The following ANXA4 variants were observed in gnomAD, a reference collection of about 807,000 sequenced individuals.
The protein encoded by ANXA4 is annexin A4.
Under a neutral mutation model 49.8 loss-of-function variants are expected in ANXA4, and 39 were observed. That is an observed-to-expected ratio of 0.78 (90% CI 0.61 to 1.02). The LOEUF is 1.02. Among genes scored for constraint, ANXA4 ranks in the 50% least tolerant of loss-of-function variants. The pLI is 0.00. For synonymous variants in ANXA4, 134 were observed against 152.5 expected (o/e 0.88, Z 0.89); for missense variants, 360 against 410.1 (o/e 0.88, Z 1.05).
intron 1 of ANXA4, among the ~76,000 whole-genome samples, chr2:69,768,511 T>A (rs1671584087): frequency 6.6e-6 from 1 of 152,176 alleles, no homozygotes; most frequent in Admixed American, 6.6e-5. Context: ...CAGGTTACTC[T>A]TAAACCTACA....
At chr2:69,787,566 G>A (rs753702030) in intron 2 of ANXA4, among the ~76,000 whole-genome samples, 1 of 152,184 alleles carries the variant, frequency 6.6e-6, no homozygotes, top group Admixed American at 6.5e-5. Context: ...GGGGAGAACA[G>A]GGTTCCACGT....
chr2:69,807,858 G>T, intron 5 of ANXA4, 48 bp from the exon 6 acceptor site: 3 of 1,532,772 alleles, frequency 2.0e-6, no homozygotes, highest in Non-Finnish European at 9.0e-7. Context: ...CTGGGCCTCA[G>T]CTTTGTAAAC....
At chr2:69,689,329 C>T (rs1677888463) in intron 2 of ANXA4, among the ~76,000 whole-genome samples, 1 of 152,070 alleles carries the variant, frequency 6.6e-6, no homozygotes, top group South Asian at 2.1e-4. Flanking sequence ...CTCAAGTGAT[C>T]CTCCTGCCTT....
At chr2:69,757,266 A>ATATATT (rs1424932911) in intron 1 of ANXA4, among the ~76,000 whole-genome samples, 4 of 27,644 alleles carry the variant, frequency 1.4e-4, no homozygotes, top group Non-Finnish European at 2.0e-4. Context: ...ATATATATAT[A>ATATATT]TTTTTTTTTT....
chr2:69,820,928 C>G, intron 12 of ANXA4, 107 bp downstream of exon 12: 1 of 1,220,840 alleles, frequency 8.2e-7, no homozygotes, highest in Middle Eastern at 2.3e-4. Flanking sequence ...TATCATTTCC[C>G]TTAAAGATTA....
At chr2:69,800,833 C>T (rs1385326519) in intron 3 of ANXA4, among the ~76,000 whole-genome samples, 1 of 152,118 alleles carries the variant, frequency 6.6e-6, no homozygotes, top group Non-Finnish European at 1.5e-5. Flanking sequence ...CCACAGATAT[C>T]AAGGACGTAG....
intron 2 of ANXA4, among the ~76,000 whole-genome samples, chr2:69,672,089 A>G (rs1025464804): frequency 1.3e-5 from 2 of 152,230 alleles, no homozygotes; most frequent in Admixed American, 6.6e-5. Context: ...CAAACAAACA[A>G]ATATAATTGG....
rs534245577 is a variant in ANXA4 at position 69,821,193 on chromosome 2, A to G, written c.906+372A>G. 1.6e-3 allele frequency among the ~76,000 whole-genome samples: 249 copies of G among 152,316 alleles called. 1 individual carries two copies. The highest frequency in any genetic ancestry group is 6.8e-3 in the Middle Eastern group (2 of 294). ...GGGAATATGGGAAAGCATTTTAGCTATCCTGAATTACTGTTCTTTACCAGG... is the reference window on the plus strand; with the variant it reads ...GGGAATATGGGAAAGCATTTTAGCTGTCCTGAATTACTGTTCTTTACCAGG... On this transcript the variant is annotated intron_variant, in intron 12 of 12. Transcript: ENST00000394295.
chr2:69,648,291 CA>C (rs1357699730), intron 1 of ANXA4, among the ~76,000 whole-genome samples: 1 of 152,200 alleles, frequency 6.6e-6, no homozygotes, highest in Admixed American at 6.5e-5. Flanking sequence ...AGACTGACCT[CA>C]AAACCCACAT....
intron 2 of ANXA4, among the ~76,000 whole-genome samples, chr2:69,702,254 C>A (rs1409066033): frequency 6.6e-6 from 1 of 152,060 alleles, no homozygotes. Flanking sequence ...CTCAAATGAT[C>A]CGCCTGCCTC....
chr2:69,668,608 A>G (rs1243830612), intron 2 of ANXA4, among the ~76,000 whole-genome samples: 1 of 152,198 alleles, frequency 6.6e-6, no homozygotes, highest in Non-Finnish European at 1.5e-5. Flanking sequence ...ATGTATGTGT[A>G]TAATAAAAAA....
At chr2:69,740,023 G>C (rs745321184), upstream of ANXA4, among the ~76,000 whole-genome samples, 1 of 152,120 alleles carries the variant, frequency 6.6e-6, no homozygotes, top group Non-Finnish European at 1.5e-5. Flanking sequence ...AGCTAAAAAA[G>C]TTAGCCTCTG....
chr2:69,722,277 C>T (rs529825915), intron 3 of ANXA4, among the ~76,000 whole-genome samples: 20 of 152,256 alleles, frequency 1.3e-4, no homozygotes, highest in African/African-American at 4.3e-4. Flanking sequence ...GGTATATACT[C>T]AAAAGAATTT....
chr2:69,667,531 A>T (rs1192071636), intron 2 of ANXA4, among the ~76,000 whole-genome samples: 3 of 152,240 alleles, frequency 2.0e-5, no homozygotes, highest in East Asian at 1.9e-4. Context: ...AGTCCGATGT[A>T]CAAAATACTC....
chr2:69,822,589 C>G (rs1013777407), intron 12 of ANXA4, among the ~76,000 whole-genome samples: 1 of 151,878 alleles, frequency 6.6e-6, no homozygotes, highest in Admixed American at 6.6e-5. Context: ...GGTACGCTGT[C>G]ATGAAAAAAA....
chr2:69,694,084 G>T (rs1678071905), intron 2 of ANXA4, among the ~76,000 whole-genome samples: 1 of 152,078 alleles, frequency 6.6e-6, no homozygotes, highest in African/African-American at 2.4e-5. Flanking sequence ...CAGTTGCTAT[G>T]GTCTGAATGT....
At chr2:69,655,351 T>A (rs1466677501) in intron 2 of ANXA4, among the ~76,000 whole-genome samples, 2 of 151,556 alleles carry the variant, frequency 1.3e-5, no homozygotes, top group Non-Finnish European at 1.5e-5. Flanking sequence ...GACAACCCAA[T>A]CAAAAAGTGA....
At chr2:69,692,987 G>C (rs71413197) in intron 2 of ANXA4, among the ~76,000 whole-genome samples, 3,482 of 152,238 alleles carry the variant, frequency 0.023, 44 homozygotes, top group Non-Finnish European at 0.037. Context: ...TGTGTGAGGT[G>C]GGGGAGGGAT....
intron 2 of ANXA4, among the ~76,000 whole-genome samples, chr2:69,684,973 G>A (rs1677735346): frequency 6.6e-6 from 1 of 152,162 alleles, no homozygotes; most frequent in Non-Finnish European, 1.5e-5. Context: ...GAAGAATGAT[G>A]TCTTTGGGTC....
Sources: allele counts gnomAD v4.1 joint callset (sites outside exome capture counted in the v4.1 genomes callset), GRCh38; gene constraint gnomAD v4.1.1; transcripts MANE v1.5; gene names NCBI Gene and HGNC (gene_info 2026-07-23, HGNC 2026-07-21).